Variants in STARD5 observed in about 807,000 individuals in gnomAD.
The protein encoded by STARD5 is stAR-related lipid transfer protein 5.
STARD5 carries 26 observed loss-of-function variants against 24.6 expected under a neutral mutation model. The ratio of observed to expected loss-of-function variants is 1.06; its 90% confidence interval spans 0.77 to 1.47. STARD5 has a LOEUF of 1.47. Ranked by LOEUF, STARD5 falls within the 40% of genes most tolerant of loss-of-function variation. STARD5 has a pLI of 0.00. For synonymous variants in STARD5, 101 were observed against 99.7 expected, an observed-to-expected ratio of 1.01 and a Z score of -0.07; for missense variants, 254 against 270.8, an observed-to-expected ratio of 0.94 and a Z score of 0.44.
At position 81,324,141 on chromosome 15, in the gene STARD5, T is replaced by C. The variant is rs780947107; in HGVS notation, c.-42A>G. On this transcript the variant is annotated 5_prime_UTR_variant, in exon 1 of 6. Transcript: ENST00000302824. ...CTTAGCTGCGGGGTCGCGGGTGTTA[T>C]GAGCGGCGGCGCTGGATCCCGGGTG... The C allele has an allele frequency of 1.5e-5, 19 of 1,289,980 alleles. No homozygotes were observed. Among genetic ancestry groups the C allele is most frequent in the Admixed American group, 3.7e-5 (1 of 26,768 alleles). 79.9% of individuals were successfully genotyped at this position (1,289,980 alleles called of 1,614,324 possible).
Position 81,318,450 on chromosome 15 carries a change from T to TTA in STARD5, c.452_453insTA (p.Phe152AsnfsTer47). 1 of 1,613,942 alleles carries TTA rather than the reference T, an allele frequency of 6.2e-7. No homozygotes were observed. The highest frequency in any genetic ancestry group is 8.5e-7 in the Non-Finnish European group (1 of 1,180,018). ...AGAAGCAACCACAAGGATGGTTAAA[T>TTA]CCTCTCACAAAACCTGGCTTCGGGG... On this transcript the variant is annotated frameshift_variant, in exon 5 of 6. Transcript: ENST00000302824. LOFTEE classifies it high-confidence loss of function.
intron 4 of STARD5, 151 bp downstream of exon 4, chr15:81,319,188 C>A (rs1157994054): frequency 4.5e-5 from 32 of 708,296 alleles, no homozygotes; most frequent in South Asian, 6.8e-5. Context: ...GGCCCTGAGT[C>A]CCCCCAAACC....
Position 81,313,345 on chromosome 15 carries a change from G to A in STARD5, c.553C>T (p.Pro185Ser). ...FFHTDLSGYL[P>S]QNVVDSFFPR... ...AAGAAGGAGTCCACCACGTTCTGTG[G>A]GAGGTAACCGCTGAGGTCGGTATGG... The change falls in exon 6 of 6, where the codon CCA becomes TCA. Residue 185 changes from proline (P) to serine (S), a missense_variant. Coordinates refer to ENST00000302824, the MANE Select transcript of STARD5 (RefSeq NM_181900.3). 6.3e-7 allele frequency: 1 copy of A among 1,582,556 alleles called. No individual in the cohort carries two copies. Among genetic ancestry groups the A allele is most frequent in the Non-Finnish European group, 8.6e-7 (1 of 1,164,810 alleles).
At position 81,314,893 on chromosome 15, in the gene STARD5, GAAAAA is replaced by G. The variant is rs5814055; in HGVS notation, c.495-1495_495-1491del. Among the ~76,000 whole-genome samples, 24 of 104,060 alleles carry G rather than the reference GAAAAA, an allele frequency of 2.3e-4. No individual in the cohort carries two copies. The East Asian group carries it at 5.3e-3, about 23-fold the overall frequency. The allele number at this position is 104,060 out of a possible 152,430, so 68.3% of individuals were successfully genotyped here. A position where few individuals can be genotyped will look rare whatever the true frequency, so the allele number is the denominator to read the frequency against. ...AAGAGCAAAACCCCACCTCAAAAAA[GAAAAA>G]AAAAAAAAAAAAAAAAAGAATCTCA... On this transcript the variant is annotated intron_variant, in intron 5 of 5. Coordinates refer to ENST00000302824, the MANE Select transcript of STARD5 (RefSeq NM_181900.3).
intron 4 of STARD5, 47 bp downstream of exon 4, chr15:81,319,292 G>T (rs754291744): frequency 1.3e-6 from 2 of 1,517,304 alleles, no homozygotes; most frequent in Admixed American, 1.7e-5. Flanking sequence ...AGAAGAGAAA[G>T]CTCGATATCG....
chr15:81,313,379 G>A lies in STARD5; in HGVS notation c.519C>T (p.Val173=). The change falls in exon 6 of 6, where the codon GTC becomes GTT. Residue 173 remains valine (V), a synonymous_variant. Coordinates refer to ENST00000302824, the MANE Select transcript of STARD5 (RefSeq NM_181900.3). ...LPGEPTKTNL[V]TFFHTDLSGY... ...CGCTGAGGTCGGTATGGAAGAATGT[G>A]ACCAGGTTGGTCTTGGTGGGTTCCC... 1 of 1,569,600 alleles carries A rather than the reference G, an allele frequency of 6.4e-7. No homozygotes were observed. The highest frequency in any genetic ancestry group is 1.2e-5 in the South Asian group (1 of 83,454).
rs150747270 is a variant in STARD5, at chr15:81,320,361, T to C, written c.283-905A>G. Among the ~76,000 whole-genome samples, 316 of 152,268 alleles carry C rather than the reference T, an allele frequency of 2.1e-3. 2 individuals carry two copies. The highest frequency in any genetic ancestry group is 7.4e-3 in the African/African-American group (309 of 41,550). The stretch of plus-strand genomic sequence containing the variant: ...ATGGCATGAGATGCATGGGGGCACT[T>C]GAGCACTTTGCAATGGGTGCAATGA... On this transcript the variant is annotated intron_variant, in intron 3 of 5. Transcript: ENST00000302824.
At chr15:81,316,799 C>T (rs912259077) in intron 5 of STARD5, among the ~76,000 whole-genome samples, 11 of 152,112 alleles carry the variant, frequency 7.2e-5, no homozygotes, top group African/African-American at 2.4e-5. Context: ...ACAGAGAACA[C>T]GTGATGTTTT....
intron 5 of STARD5, among the ~76,000 whole-genome samples, chr15:81,317,345 CCTCT>C (rs1405876153): frequency 1.3e-5 from 2 of 152,136 alleles, no homozygotes; most frequent in Non-Finnish European, 2.9e-5. Flanking sequence ...TCTGAAAATT[CCTCT>C]CTGTCAGACC....
chr15:81,314,893 G>A (rs28653471), intron 5 of STARD5, among the ~76,000 whole-genome samples: 2,008 of 103,942 alleles, frequency 0.019, no homozygotes, highest in Non-Finnish European at 0.027. Context: ...CCTCAAAAAA[G>A]AAAAAAAAAA....
Position 81,319,386 on chromosome 15 carries a change from T to A in STARD5, c.353A>T (p.Asp118Val), listed in dbSNP as rs1171966119. The change falls in exon 4 of 6, where the codon GAC becomes GTC. Residue 118 changes from aspartate (D) to valine (V), a missense_variant. Physicochemically the swap from Asp to Val is radical, Grantham distance 152. Coordinates refer to ENST00000302824, the MANE Select transcript of STARD5 (RefSeq NM_181900.3). The part of the protein sequence containing the change: ...MKLISPRDFV[D>V]LVLVKRYEDG... ...CTCATATCTCTTGACTAGCACCAAG[T>A]CCACAAAATCTCTGGGAGAAATGAG... 1 of 1,614,170 alleles carries A rather than the reference T, an allele frequency of 6.2e-7. No individual in the cohort carries two copies. Among genetic ancestry groups the A allele is most frequent in the Admixed American group, 1.7e-5 (1 of 60,024 alleles).
At chr15:81,316,941 G>A (rs1045747491) in intron 5 of STARD5, among the ~76,000 whole-genome samples, 1 of 152,160 alleles carries the variant, frequency 6.6e-6, no homozygotes, top group Non-Finnish European at 1.5e-5. Flanking sequence ...ACTCACGCCT[G>A]TAATCACAGC....
At position 81,313,349 on chromosome 15, in the gene STARD5, G is replaced by C; in HGVS notation, c.549C>G (p.Tyr183Ter). 1 of 1,582,336 alleles carries C rather than the reference G, an allele frequency of 6.3e-7. No homozygotes were observed. The highest frequency in any genetic ancestry group is 1.7e-4 in the Middle Eastern group (1 of 6,010). Residue 183 changes from tyrosine (Y) to a stop codon, truncating the protein, a stop_gained, in exon 6 of 6, where the codon TAC (tyrosine) becomes TAG (stop). Coordinates refer to ENST00000302824, the MANE Select transcript of STARD5 (RefSeq NM_181900.3). LOFTEE classifies it high-confidence loss of function. ...VTFFHTDLSG[Y>*]LPQNVVDSFF... Reference sequence around the variant, plus strand: ...AGGAGTCCACCACGTTCTGTGGGAGGTAACCGCTGAGGTCGGTATGGAAGA... The same window carrying C: ...AGGAGTCCACCACGTTCTGTGGGAGCTAACCGCTGAGGTCGGTATGGAAGA...
chr15:81,314,908 A>AAAAAAAAAAAAAAAC (rs1567054860), intron 5 of STARD5, among the ~76,000 whole-genome samples: 1 of 146,168 alleles, frequency 6.8e-6, no homozygotes, highest in African/African-American at 2.6e-5. Context: ...AAAAAAAAAA[A>AAAAAAAAAAAAAAAC]AAAAAAAGAA....
At chr15:81,322,212 C>T (rs1398967447) in intron 3 of STARD5, among the ~76,000 whole-genome samples, 196 bp downstream of exon 3, 1 of 152,204 alleles carries the variant, frequency 6.6e-6, no homozygotes, top group Non-Finnish European at 1.5e-5. Flanking sequence ...TTCTCTCCCT[C>T]TCTGAGTCAT....
chr15:81,324,091 C>T lies in STARD5; in HGVS notation c.9G>A (p.Pro3=), dbSNP rs567953882. MD[P]ALAAQMSEAV... is the part of the protein sequence containing the mutation. Reference sequence around the variant, plus strand: ...CCTCGCTCATCTGGGCTGCCAGCGCCGGGTCCATTGCGTCGGGAGCTGCGC... The same window carrying T: ...CCTCGCTCATCTGGGCTGCCAGCGCTGGGTCCATTGCGTCGGGAGCTGCGC... Residue 3 remains proline (P), a synonymous_variant, in exon 1 of 6, where the codon CCG becomes CCA. Transcript: ENST00000302824. The T allele has an allele frequency of 1.5e-5, 23 of 1,489,276 alleles. No individual in the cohort carries two copies. The African/African-American group carries it at 2.7e-4, about 17-fold the overall frequency. 92.3% of individuals were successfully genotyped at this position (1,489,276 alleles called of 1,614,324 possible). A position where few individuals can be genotyped will look rare whatever the true frequency, so the allele number is the denominator to read the frequency against.
At position 81,313,363 on chromosome 15, in the gene STARD5, C is replaced by T. The variant is rs765211189; in HGVS notation, c.535G>A (p.Asp179Asn). 4.6e-5 allele frequency: 73 copies of T among 1,574,302 alleles called. No individual in the cohort carries two copies. The highest frequency in any genetic ancestry group is 3.9e-4 in the South Asian group (33 of 83,850). Residue 179 changes from aspartate to asparagine, a missense_variant, in exon 6 of 6, where the codon GAC becomes AAC. Coordinates refer to ENST00000302824, the MANE Select transcript of STARD5 (RefSeq NM_181900.3). ...TTCTGTGGGAGGTAACCGCTGAGGTCGGTATGGAAGAATGTGACCAGGTTG... is the reference window on the plus strand; with the variant it reads ...TTCTGTGGGAGGTAACCGCTGAGGTTGGTATGGAAGAATGTGACCAGGTTG... Reference protein sequence around the residue: ...KTNLVTFFHTDLSGYLPQNVV... With the variant: ...KTNLVTFFHTNLSGYLPQNVV...
intron 5 of STARD5, among the ~76,000 whole-genome samples, chr15:81,317,217 T>C (rs1901102934): frequency 6.9e-6 from 1 of 144,750 alleles, no homozygotes; most frequent in South Asian, 2.2e-4. Flanking sequence ...AAAAAATCCA[T>C]GTGATACCTT....
intron 2 of STARD5, 108 bp downstream of exon 2, chr15:81,322,791 G>T: frequency 6.9e-7 from 1 of 1,443,510 alleles, no homozygotes; most frequent in Non-Finnish European, 9.7e-7. Context: ...TGGAGGACAA[G>T]TGATCACAGG....
Sources: allele counts gnomAD v4.1 joint callset (sites outside exome capture counted in the v4.1 genomes callset), GRCh38; gene constraint gnomAD v4.1.1; transcripts MANE v1.5; gene names NCBI Gene and HGNC (gene_info 2026-07-23, HGNC 2026-07-21).